CENPP: variants seen among roughly 807,000 people sequenced by gnomAD.
CENPP encodes centromere protein P.
A neutral mutation model predicts 35.6 loss-of-function variants in CENPP; 24 were observed. The ratio of observed to expected loss-of-function variants is 0.67; its 90% CI spans 0.49 to 0.95. The LOEUF is 0.95. Ranked by LOEUF, CENPP falls within the 40% of genes least tolerant of loss-of-function variation. The pLI is 0.00. For synonymous variants in CENPP, 120 were observed against 125.5 expected, an observed-to-expected ratio of 0.96 and a Z score of 0.29; for missense variants, 332 against 345.3, an observed-to-expected ratio of 0.96 and a Z score of 0.31.
At chr9:92,393,785 GC>G (rs1319215231) in intron 5 of CENPP, among the ~76,000 whole-genome samples, 2 of 150,714 alleles carry the variant, frequency 1.3e-5, no homozygotes, top group African/African-American at 4.9e-5. Context: ...AAAGTGTAGA[GC>G]TTTTTTTTTT....
chr9:92,591,452 G>A (rs1364215929), intron 5 of CENPP, among the ~76,000 whole-genome samples: 6 of 149,778 alleles, frequency 4.0e-5, no homozygotes, highest in African/African-American at 1.5e-4. Context: ...GACCTGCAGG[G>A]AAAAAAAAAT....
rs532655835 is a variant in CENPP at position 92,404,521 on chromosome 9, G to C, written c.564+24662G>C. ...CGTTGTAGCTGTTTTGAAGTTTTTTGTGGTTTTCCTCAATAGATGTTCATG... is the reference window on the plus strand; with the variant it reads ...CGTTGTAGCTGTTTTGAAGTTTTTTCTGGTTTTCCTCAATAGATGTTCATG... On this transcript the variant is annotated intron_variant, in intron 5 of 7. Coordinates refer to ENST00000375587, the MANE Select transcript of CENPP (RefSeq NM_001012267.3). The C allele has an allele frequency of 1.0e-5, 13 of 1,296,360 alleles. No individual in the cohort carries two copies. The African/African-American group carries it at 1.8e-4, about 18-fold the overall frequency. The allele number at this position is 1,296,360 out of a possible 1,614,324, so 80.3% of individuals were successfully genotyped here. A position where few individuals can be genotyped will look rare whatever the true frequency, so the allele number is the denominator to read the frequency against.
At chr9:92,337,485 C>T (rs1437621621) in intron 2 of CENPP, 56 bp from the exon 3 acceptor site, 2 of 961,900 alleles carry the variant, frequency 2.1e-6, no homozygotes, top group Non-Finnish European at 3.4e-6. Flanking sequence ...TTAAATAATA[C>T]ACATTTGAAG....
intron 3 of CENPP, among the ~76,000 whole-genome samples, chr9:92,345,215 C>A (rs539671385): frequency 2.7e-5 from 4 of 147,014 alleles, no homozygotes; most frequent in East Asian, 2.1e-4. Flanking sequence ...ATCGCGCCAC[C>A]ACACTCCAGC....
chr9:92,567,393 T>TATATATATATATAG (rs1554688302), intron 5 of CENPP, among the ~76,000 whole-genome samples: 4 of 124,920 alleles, frequency 3.2e-5, no homozygotes, highest in African/African-American at 1.1e-4. Flanking sequence ...TATATATATA[T>TATATATATATATAG]ATAGATATAT....
At chr9:92,346,356 T>C (rs1431721543) in intron 4 of CENPP, among the ~76,000 whole-genome samples, 1 of 152,104 alleles carries the variant, frequency 6.6e-6, no homozygotes, top group Non-Finnish European at 1.5e-5. Flanking sequence ...AACTGACATC[T>C]GAAAAATGAG....
intron 5 of CENPP, among the ~76,000 whole-genome samples, chr9:92,575,333 A>G (rs142429397): frequency 2.2e-4 from 34 of 152,354 alleles, no homozygotes; most frequent in South Asian, 1.7e-3. Context: ...CAGAATATAA[A>G]GAGAACTCCT....
chr9:92,535,810 C>T (rs114629432), intron 5 of CENPP: 199 of 308,086 alleles, frequency 6.5e-4, no homozygotes, highest in African/African-American at 4.0e-3. Flanking sequence ...ATACTTTGAA[C>T]TTTAAAAATC....
intron 5 of CENPP, among the ~76,000 whole-genome samples, chr9:92,461,147 T>C (rs1401114631): frequency 1.3e-5 from 2 of 152,222 alleles, no homozygotes; most frequent in Non-Finnish European, 2.9e-5. Context: ...ATTTTTATTT[T>C]GCCATATTTC....
chr9:92,412,218 C>G (rs967712094), intron 5 of CENPP, among the ~76,000 whole-genome samples: 1 of 152,170 alleles, frequency 6.6e-6, no homozygotes, highest in Admixed American at 6.5e-5. Flanking sequence ...TCTTGAATAG[C>G]TAAGACTGCA....
intron 5 of CENPP, among the ~76,000 whole-genome samples, chr9:92,564,364 G>A (rs1327335074): frequency 6.6e-6 from 1 of 151,810 alleles, no homozygotes; most frequent in South Asian, 2.1e-4. Context: ...ACTCTAGCCT[G>A]GGCAACAGAA....
chr9:92,522,531 A>T (rs1848138701), intron 5 of CENPP: 1 of 1,502,936 alleles, frequency 6.7e-7, no homozygotes, highest in African/African-American at 1.4e-5. Flanking sequence ...ACCATCTCTC[A>T]CCCTCCTCCC....
chr9:92,488,646 A>C (rs1846114641), intron 5 of CENPP, among the ~76,000 whole-genome samples: 1 of 152,238 alleles, frequency 6.6e-6, no homozygotes, highest in African/African-American at 2.4e-5. Flanking sequence ...TCACTTTCCA[A>C]ATGATTCACA....
chr9:92,456,602 A>T (rs191595798), intron 5 of CENPP: 2 of 152,556 alleles, frequency 1.3e-5, no homozygotes, highest in East Asian at 3.9e-4. Flanking sequence ...TTTTACAGAG[A>T]TTTTTAAATC....
chr9:92,525,858 A>G (rs775125251), intron 5 of CENPP, among the ~76,000 whole-genome samples: 5 of 146,130 alleles, frequency 3.4e-5, no homozygotes, highest in Admixed American at 7.1e-5. Context: ...ACAGGTATGC[A>G]CCACCATGCC....
rs61233585 is a variant in CENPP, at chr9:92,352,467, CTGTGTGTG to C, written c.467+6712_467+6719del. On this transcript the variant is annotated intron_variant, in intron 4 of 7. Transcript: ENST00000375587. ...TTCTCTCAAGCCTGTTGCTTAAAGC[CTGTGTGTG>C]TGTGTGTGTGTGTGTGTGTGTGTGT... 6.0e-4 allele frequency among the ~76,000 whole-genome samples: 43 copies of C among 71,346 alleles called. 1 individual carries two copies. Among genetic ancestry groups the C allele is most frequent in the African/African-American group, 3.4e-3 (35 of 10,212 alleles). 46.8% of individuals were successfully genotyped at this position (71,346 alleles called of 152,430 possible). A position where few individuals can be genotyped will look rare whatever the true frequency, so the allele number is the denominator to read the frequency against.
chr9:92,421,839 T>C (rs1588119294), intron 5 of CENPP, among the ~76,000 whole-genome samples: 1 of 152,082 alleles, frequency 6.6e-6, no homozygotes, highest in East Asian at 1.9e-4. Context: ...CAGAGGGTAA[T>C]ATCCTTTATA....
rs113895406 is a variant in CENPP at position 92,468,671 on chromosome 9, G to A, written c.564+88812G>A. 4.0e-3 allele frequency among the ~76,000 whole-genome samples: 604 copies of A among 152,284 alleles called. 7 individuals are homozygous for A. The highest frequency in any genetic ancestry group is 0.014 in the African/African-American group (564 of 41,550). Reference sequence around the variant, plus strand: ...GATACTATAATTATATAAATGTTTTGTAATTGTGTGGTATACCTACAATTC... The same window carrying A: ...GATACTATAATTATATAAATGTTTTATAATTGTGTGGTATACCTACAATTC... On this transcript the variant is annotated intron_variant, in intron 5 of 7. Coordinates refer to ENST00000375587, the MANE Select transcript of CENPP (RefSeq NM_001012267.3).
intron 3 of CENPP, chr9:92,339,666 C>A (rs894320620): frequency 1.3e-5 from 2 of 153,222 alleles, no homozygotes; most frequent in Non-Finnish European, 2.9e-5. Flanking sequence ...CTCTAGGGGA[C>A]TGACATTGTT....
Sources: allele counts gnomAD v4.1 joint callset (sites outside exome capture counted in the v4.1 genomes callset), GRCh38; gene constraint gnomAD v4.1.1; transcripts MANE v1.5; gene names NCBI Gene and HGNC (gene_info 2026-07-23, HGNC 2026-07-21).